SPOPL: variants seen among roughly 807,000 people sequenced by gnomAD.
SPOPL encodes the protein speckle type BTB/POZ protein like.
A neutral mutation model predicts 53.8 loss-of-function variants in SPOPL; 23 were observed. That is an observed-to-expected ratio of 0.43 (90% confidence interval 0.31 to 0.61). The LOEUF is 0.61. SPOPL is among the 20% of genes least tolerant of loss of function. SPOPL has a pLI of 0.12. For missense variants in SPOPL, 442 were observed against 466.9 expected, an observed-to-expected ratio of 0.95 and a Z score of 0.49; for synonymous variants, 164 against 149.7, an observed-to-expected ratio of 1.10 and a Z score of -0.70.
chr2:138,530,922 A>AGTGT (rs10673306), intron 1 of SPOPL, among the ~76,000 whole-genome samples: 67,765 of 147,854 alleles, frequency 0.46, 16,451 homozygotes, highest in Non-Finnish European at 0.56. Flanking sequence ...CTGTAGAGTG[A>AGTGT]GTGTGTGTGT....
chr2:138,541,717 T>G (rs1349059042), intron 1 of SPOPL, among the ~76,000 whole-genome samples: 1 of 152,200 alleles, frequency 6.6e-6, no homozygotes, highest in Non-Finnish European at 1.5e-5. Context: ...TTTGAAGGGA[T>G]TTTTGTGTCT....
chr2:138,550,232 A>G lies in SPOPL; in HGVS notation c.16A>G (p.Thr6Ala). Residue 6 changes from threonine (T) to alanine (A), a missense_variant, in exon 2 of 11, where the codon ACC becomes GCC. Thr to Ala is a moderately conservative substitution (Grantham distance 58). Coordinates refer to ENST00000280098, the MANE Select transcript of SPOPL (RefSeq NM_001001664.3). ...TAAAGTGGTGATGTCTCGGGAACCC[A>G]CCCCACCTCTACCTGGAGATATGTC... MSREP[T>A]PPLPGDMSTG... is the part of the protein sequence containing the mutation. 1 of 1,613,570 alleles carries G rather than the reference A, an allele frequency of 6.2e-7. No individual in the cohort carries two copies. Among genetic ancestry groups the G allele is most frequent in the Admixed American group, 1.7e-5 (1 of 59,932 alleles).
chr2:138,549,688 T>C (rs1267713650), intron 1 of SPOPL, among the ~76,000 whole-genome samples: 1 of 152,166 alleles, frequency 6.6e-6, no homozygotes, highest in African/African-American at 2.4e-5. Context: ...CATTGCCTGT[T>C]ACATTCCATT....
rs532431573 is a variant in SPOPL at position 138,570,045 on chromosome 2, G to A, written c.*965G>A. On this transcript the variant is annotated 3_prime_UTR_variant, in exon 11 of 11. Coordinates refer to ENST00000280098, the MANE Select transcript of SPOPL (RefSeq NM_001001664.3). ...GAAATTTTTAGATGGAGGCAACTGG[G>A]ATGTTTGTGATAATAGATGAGAAAG... The A allele has an allele frequency of 3.3e-5, 5 of 152,598 alleles. No individual in the cohort carries two copies. Among genetic ancestry groups the A allele is most frequent in the African/African-American group, 1.2e-4 (5 of 41,536 alleles). The allele number at this position is 152,598 out of a possible 1,614,324, so 9.5% of individuals were successfully genotyped here.
At chr2:138,547,053 C>T (rs1412302618) in intron 1 of SPOPL, among the ~76,000 whole-genome samples, 4 of 152,186 alleles carry the variant, frequency 2.6e-5, no homozygotes, top group South Asian at 2.1e-4. Flanking sequence ...GCAGCCTCCA[C>T]CTCCCAGATT....
intron 8 of SPOPL, among the ~76,000 whole-genome samples, chr2:138,562,900 C>T (rs1162385360): frequency 6.6e-6 from 1 of 151,560 alleles, no homozygotes. Flanking sequence ...GATTTCTTAG[C>T]TGTGACACCA....
At chr2:138,512,848 T>G (rs1684356335) in intron 1 of SPOPL, among the ~76,000 whole-genome samples, 1 of 152,258 alleles carries the variant, frequency 6.6e-6, no homozygotes, top group Admixed American at 6.5e-5. Context: ...AAATAGCCCT[T>G]GACCTGGAAG....
chr2:138,560,913 G>A lies in SPOPL; in HGVS notation c.823G>A (p.Ala275Thr). 2 of 1,609,198 alleles carry A rather than the reference G, an allele frequency of 1.2e-6. No individual in the cohort carries two copies. Among genetic ancestry groups the A allele is most frequent in the Non-Finnish European group, 1.7e-6 (2 of 1,178,716 alleles). Residue 275 changes from alanine to threonine, a missense_variant, in exon 8 of 11, where the codon GCA becomes ACA. Coordinates refer to ENST00000280098, the MANE Select transcript of SPOPL (RefSeq NM_001001664.3). ...NLDKMADNLL[A>T]AADKYALERL... ...TGACAAAATGGCTGACAACTTGTTG[G>A]CAGCTGCAGACAAAGTAAGTAATTA...
At chr2:138,528,436 G>A (rs1573880499) in intron 1 of SPOPL, among the ~76,000 whole-genome samples, 1 of 152,104 alleles carries the variant, frequency 6.6e-6, no homozygotes, top group African/African-American at 2.4e-5. Flanking sequence ...TTTTAAAAAT[G>A]TCTGATGTAC....
At chr2:138,565,615 T>C (rs1232783441) in intron 10 of SPOPL, among the ~76,000 whole-genome samples, 1 of 152,176 alleles carries the variant, frequency 6.6e-6, no homozygotes, top group Admixed American at 6.5e-5. Flanking sequence ...TTATTTGAAA[T>C]CACAATGGGG....
At chr2:138,554,144 C>T (rs1383891303) in intron 5 of SPOPL, among the ~76,000 whole-genome samples, 1 of 138,982 alleles carries the variant, frequency 7.2e-6, no homozygotes, top group Non-Finnish European at 1.5e-5. Context: ...GGAACCTAGA[C>T]AACCAAGAAA....
At chr2:138,511,440 T>C (rs1412153843) in intron 1 of SPOPL, among the ~76,000 whole-genome samples, 1 of 152,200 alleles carries the variant, frequency 6.6e-6, no homozygotes, top group African/African-American at 2.4e-5. Flanking sequence ...ATAGATTATT[T>C]TATTAAAAGA....
chr2:138,554,536 G>C, intron 5 of SPOPL: 3 of 1,278,816 alleles, frequency 2.3e-6, no homozygotes, highest in South Asian at 1.3e-5. Context: ...CTGTAGACAG[G>C]TAAGGCAGTT....
At chr2:138,549,380 C>G (rs1183092307) in intron 1 of SPOPL, among the ~76,000 whole-genome samples, 2 of 152,064 alleles carry the variant, frequency 1.3e-5, no homozygotes, top group African/African-American at 4.8e-5. Flanking sequence ...GTCATGTAAT[C>G]TTGAAACCCT....
At position 138,550,279 on chromosome 2, in the gene SPOPL, C is replaced by T; in HGVS notation, c.63C>T (p.Ser21=). 1 of 1,613,610 alleles carries T rather than the reference C, an allele frequency of 6.2e-7. No homozygotes were observed. The highest frequency in any genetic ancestry group is 8.5e-7 in the Non-Finnish European group (1 of 1,179,630). ...GDMSTGPIAE[S]WCYTQVKVVK... ...TGTCTACTGGTCCCATAGCAGAAAG[C>T]TGGTGTTACACACAGGTACATGCTC... is the stretch of plus-strand genomic sequence containing the variant. Residue 21 remains serine (S), a synonymous_variant, in exon 2 of 11, where the codon AGC becomes AGT. Coordinates refer to ENST00000280098, the MANE Select transcript of SPOPL (RefSeq NM_001001664.3).
chr2:138,537,005 A>G (rs1684950670), intron 1 of SPOPL, among the ~76,000 whole-genome samples: 2 of 152,162 alleles, frequency 1.3e-5, no homozygotes, highest in Admixed American at 6.5e-5. Flanking sequence ...ACAAGCCAAG[A>G]CAGCAGTGAT....
At chr2:138,564,375 C>T in intron 8 of SPOPL, 1 of 221,306 alleles carries the variant, frequency 4.5e-6, no homozygotes, top group Non-Finnish European at 8.9e-6. Flanking sequence ...TGGCAACATG[C>T]AGTATACTTG....
At chr2:138,550,849 C>CTCTCTA (rs3086067) in intron 3 of SPOPL, 54 bp from the exon 4 acceptor site, 1 of 1,540,326 alleles carries the variant, frequency 6.5e-7, no homozygotes. Flanking sequence ...CTCTCTCTCT[C>CTCTCTA]GAATGCTTTT....
chr2:138,556,927 C>T (rs1185391372), intron 5 of SPOPL, among the ~76,000 whole-genome samples: 4 of 152,094 alleles, frequency 2.6e-5, no homozygotes, highest in African/African-American at 4.8e-5. Context: ...GAGGCTGAGG[C>T]GGGTAGATCA....
Sources: gnomAD v4.1 joint callset for allele counts (sites outside exome capture counted in the v4.1 genomes callset) on GRCh38, gnomAD v4.1.1 for gene constraint, MANE v1.5 for transcripts, NCBI Gene and HGNC (gene_info 2026-07-23, HGNC 2026-07-21) for gene names.